Variants in PCDHA3 observed in about 807,000 individuals in gnomAD.
The protein encoded by PCDHA3 is protocadherin alpha-3.
PCDHA3 carries 41 observed loss-of-function variants against 62.2 expected under a neutral mutation model. The observed-to-expected ratio is 0.66, with a 90% CI of 0.51 to 0.86. The LOEUF (loss-of-function observed/expected upper bound fraction) is 0.86. PCDHA3 is among the 40% of genes least tolerant of loss of function. The pLI is 0.00. For missense variants in PCDHA3, 1,304 were observed against 1,241.2 expected (o/e 1.05, Z -0.76); for synonymous variants, 640 against 555.4 (o/e 1.15, Z -2.14).
intron 1 of PCDHA3, among the ~76,000 whole-genome samples, chr5:140,975,967 A>C (rs2096692306): frequency 6.6e-6 from 1 of 152,176 alleles, no homozygotes; most frequent in African/African-American, 2.4e-5. Context: ...TCACCAATAG[A>C]AAGTAAGCAT....
At chr5:140,822,873 G>C (rs1304817272) in intron 1 of PCDHA3, 51 of 1,614,094 alleles carry the variant, frequency 3.2e-5, no homozygotes, top group African/African-American at 6.7e-5. Context: ...CACTCAGCAC[G>C]GTCATTGCTC....
chr5:140,841,513 C>G (rs2150316967), intron 1 of PCDHA3: 142,793 of 1,613,040 alleles, frequency 0.089, 1,768 homozygotes, highest in Non-Finnish European at 0.097. Flanking sequence ...CGCGCCTGTT[C>G]CGGGTGGCGT....
rs2150445879 is a variant in PCDHA3 at position 140,849,707 on chromosome 5, C to G, written c.2394+46116C>G. Reference sequence around the variant, plus strand: ...AGCTGGTGTCCACCTACAAGAATTACTACTCGTTGGTGCTGGACAGAGCTC... The same window carrying G: ...AGCTGGTGTCCACCTACAAGAATTAGTACTCGTTGGTGCTGGACAGAGCTC... On this transcript the variant is annotated intron_variant, in intron 1 of 3. Coordinates refer to ENST00000522353, the MANE Select transcript of PCDHA3 (RefSeq NM_018906.3). The G allele has an allele frequency of 3.1e-6, 5 of 1,598,540 alleles. No homozygotes were observed. The South Asian group carries it at 3.3e-5, about 11-fold the overall frequency.
chr5:140,989,805 A>G (rs3776110), intron 3 of PCDHA3, among the ~76,000 whole-genome samples: 8,341 of 152,306 alleles, frequency 0.055, 292 homozygotes, highest in East Asian at 0.12. Context: ...GGAAAGGGCC[A>G]TAAGATTGGT....
chr5:140,841,344 A>G, intron 1 of PCDHA3: 5 of 1,612,282 alleles, frequency 3.1e-6, no homozygotes, highest in Non-Finnish European at 4.2e-6. Flanking sequence ...TGGCGAGGAG[A>G]GCTGGGATCC....
At chr5:140,877,653 C>A in intron 1 of PCDHA3, 1 of 1,613,522 alleles carries the variant, frequency 6.2e-7, no homozygotes, top group Non-Finnish European at 8.5e-7. Flanking sequence ...CAGCGCCGCC[C>A]ACCGTGAGCC....
At chr5:140,988,672 G>A (rs1269904309) in intron 3 of PCDHA3, among the ~76,000 whole-genome samples, 1 of 152,180 alleles carries the variant, frequency 6.6e-6, no homozygotes, top group Non-Finnish European at 1.5e-5. Context: ...TAGACTCTAA[G>A]ATAATTCTTT....
At chr5:140,830,353 G>A in intron 1 of PCDHA3, 1 of 1,614,150 alleles carries the variant, frequency 6.2e-7, no homozygotes, top group Non-Finnish European at 8.5e-7. Context: ...CGCAGCAGAG[G>A]CGGCAGAGGG....
In PCDHA3 at chr5:140,870,881, T is replaced by C. The variant is rs782030647; in HGVS notation, c.2394+67290T>C. 3.7e-6 allele frequency: 6 copies of C among 1,613,870 alleles called. No individual in the cohort carries two copies. The South Asian group carries it at 5.5e-5, about 15-fold the overall frequency. On this transcript the variant is annotated intron_variant, in intron 1 of 3. Transcript: ENST00000522353. ...GGTGCGGGCCACGTGGTGGCGAAGG[T>C]GCGCGCAGTGGATGCGGACTCAGGC...
intron 1 of PCDHA3, among the ~76,000 whole-genome samples, chr5:140,917,503 T>G (rs1423295268): frequency 6.6e-6 from 1 of 152,208 alleles, no homozygotes; most frequent in African/African-American, 2.4e-5. Flanking sequence ...AGAATGATAT[T>G]TTCTAGGTTT....
intron 1 of PCDHA3, among the ~76,000 whole-genome samples, chr5:140,879,457 T>A (rs1554170803): frequency 6.6e-6 from 1 of 152,176 alleles, no homozygotes; most frequent in Non-Finnish European, 1.5e-5. Context: ...TTTGAAGTCC[T>A]AAGAGAATAC....
intron 1 of PCDHA3, among the ~76,000 whole-genome samples, chr5:140,930,847 A>G (rs1411771257): frequency 6.6e-6 from 1 of 152,224 alleles, no homozygotes; most frequent in Non-Finnish European, 1.5e-5. Context: ...AAATATGTGC[A>G]TATATGAATT....
chr5:140,977,245 AC>A (rs2096751811), intron 1 of PCDHA3, among the ~76,000 whole-genome samples: 1 of 152,212 alleles, frequency 6.6e-6, no homozygotes, highest in Non-Finnish European at 1.5e-5. Context: ...AAAATTGGCA[AC>A]ATTTCTCAGC....
chr5:140,802,868 C>T lies in PCDHA3; in HGVS notation c.1671C>T (p.Asp557=), dbSNP rs199682432. Reference sequence around the variant, plus strand: ...TGACGCTGCAGGTGTTCGTGCTGGACGAGAACGACAACGCGCCGGCACTGC... The same window carrying T: ...TGACGCTGCAGGTGTTCGTGCTGGATGAGAACGACAACGCGCCGGCACTGC... The part of the protein sequence containing the change: ...SNVTLQVFVL[D]ENDNAPALLM... The change falls in exon 1 of 4, where the codon GAC becomes GAT. Residue 557 remains aspartate, a synonymous_variant. Transcript: ENST00000522353. 3.0e-5 allele frequency: 48 copies of T among 1,613,720 alleles called. No individual in the cohort carries two copies. The highest frequency in any genetic ancestry group is 1.7e-4 in the Middle Eastern group (1 of 6,054).
chr5:140,889,547 T>C (rs2062267601), intron 1 of PCDHA3, among the ~76,000 whole-genome samples: 1 of 152,192 alleles, frequency 6.6e-6, no homozygotes, highest in Non-Finnish European at 1.5e-5. Context: ...TCTAATTTAC[T>C]TTTCTTCAGA....
chr5:140,936,640 C>G (rs782162757), intron 1 of PCDHA3, among the ~76,000 whole-genome samples: 3 of 152,208 alleles, frequency 2.0e-5, no homozygotes, highest in African/African-American at 7.2e-5. Context: ...TCATAAGCAA[C>G]GTGACTTTAT....
chr5:140,946,631 T>TATATATATATATATATATACAC lies in PCDHA3; in HGVS notation c.2395-32317_2395-32316insTATATATATATATATATACACA, dbSNP rs57893927. Among the ~76,000 whole-genome samples the TATATATATATATATATATACAC allele has an allele frequency of 6.1e-4, 80 of 131,840 alleles. 1 individual carries two copies. The East Asian group carries it at 6.6e-3, about 11-fold the overall frequency. The allele number at this position is 131,840 out of a possible 152,430, so 86.5% of individuals were successfully genotyped here. A position where few individuals can be genotyped will look rare whatever the true frequency, so the allele number is the denominator to read the frequency against. ...TGTGAAATATATATATATATATATATACAATGGAATACTCATCAGCCATTA... is the reference window on the plus strand; with the variant it reads ...TGTGAAATATATATATATATATATATATATATATATATATATATACACACAATGGAATACTCATCAGCCATTA... On this transcript the variant is annotated intron_variant, in intron 1 of 3. Transcript: ENST00000522353.
intron 1 of PCDHA3, chr5:140,928,280 C>G (rs781831365): frequency 6.2e-7 from 1 of 1,614,194 alleles, no homozygotes; most frequent in East Asian, 2.2e-5. Context: ...CCTGGGGCCT[C>G]TCTAGGCCGA....
intron 1 of PCDHA3, among the ~76,000 whole-genome samples, chr5:140,972,293 C>T (rs912767406): frequency 2.0e-5 from 3 of 151,768 alleles, no homozygotes; most frequent in Non-Finnish European, 4.4e-5. Flanking sequence ...ATGTGCGCCA[C>T]CGTGTCTGAC....
Sources: allele counts gnomAD v4.1 joint callset (sites outside exome capture counted in the v4.1 genomes callset), GRCh38; gene constraint gnomAD v4.1.1; transcripts MANE v1.5; gene names NCBI Gene and HGNC (gene_info 2026-07-23, HGNC 2026-07-21).